FAAH2: variants seen among roughly 807,000 people sequenced by gnomAD.
FAAH2 encodes the protein fatty acid amide hydrolase 2.
FAAH2 carries 60 observed loss-of-function variants against 36.9 expected under a neutral mutation model. The observed-to-expected ratio is 1.63, with a 90% CI of 1.32 to 2.02. The LOEUF is 2.02. FAAH2 is among the 30% of genes most tolerant of loss of function. FAAH2 has a pLI of 0.00. For synonymous variants in FAAH2, 214 were observed against 143.8 expected (o/e 1.49, Z -3.49); for missense variants, 689 against 397.5 (o/e 1.73, Z -6.23).
At chrX:57,393,811 C>T (rs2055225881) in intron 7 of FAAH2, 6 of 863,596 alleles carry the variant, frequency 6.9e-6, no homozygotes, top group African/African-American at 4.0e-5. Flanking sequence ...CCTGTCCAAT[C>T]GTGATCTTCC....
At chrX:57,189,987 C>A in the FAAH2 span, among the ~76,000 whole-genome samples, 1 of 112,141 alleles carries the variant, frequency 8.9e-6, no homozygotes, top group Admixed American at 9.4e-5. Context: ...TTTAAGTCTG[C>A]TGAAGCCGCG....
At chrX:57,302,045 C>G (rs978747711) in intron 2 of FAAH2, among the ~76,000 whole-genome samples, 1 of 111,864 alleles carries the variant, frequency 8.9e-6, no homozygotes, top group African/African-American at 3.3e-5. Flanking sequence ...TAGTTTTAGA[C>G]TTTGCTCCCT....
rs767401541 is a variant in FAAH2 at position 57,331,578 on chromosome X, C to A, written c.413-20C>A. On this transcript the variant is annotated intron_variant, in intron 3 of 10. Transcript: ENST00000374900. The stretch of plus-strand genomic sequence containing the variant: ...TTTTATTTAATAATTTTTAAACATT[C>A]TTTTCTGTGACTCTTTTAGGAATGC... 10 of 1,180,910 alleles carry A rather than the reference C, an allele frequency of 8.5e-6. No individual in the cohort carries two copies. The Admixed American group carries it at 1.6e-4, about 19-fold the overall frequency.
Position 57,289,271 on chromosome X carries a change from T to C in FAAH2, c.192+2254T>C, listed in dbSNP as rs1023236620. Reference sequence around the variant, plus strand: ...TATGCTTCTTGATAACGAGCTCTGATTGAACAGTCAGTTTCCTGTGAGTCA... The same window carrying C: ...TATGCTTCTTGATAACGAGCTCTGACTGAACAGTCAGTTTCCTGTGAGTCA... On this transcript the variant is annotated intron_variant, in intron 1 of 10. Transcript: ENST00000374900. 1.1e-4 allele frequency among the ~76,000 whole-genome samples: 12 copies of C among 111,265 alleles called. No individual in the cohort carries two copies. The Admixed American group carries it at 1.2e-3, about 11-fold the overall frequency.
chrX:57,206,734 G>A, the FAAH2 span, among the ~76,000 whole-genome samples: 2 of 112,103 alleles, frequency 1.8e-5, no homozygotes, highest in African/African-American at 6.5e-5. Context: ...ACTATTAAAG[G>A]CCAATTTCTT....
At chrX:57,354,379 T>C (rs2054108481) in intron 5 of FAAH2, among the ~76,000 whole-genome samples, 1 of 110,544 alleles carries the variant, frequency 9.0e-6, no homozygotes, top group Non-Finnish European at 1.9e-5. Context: ...CTAAAAACGT[T>C]TTTTACATGG....
chrX:57,386,459 G>A (rs2055026250), intron 7 of FAAH2, among the ~76,000 whole-genome samples: 1 of 111,465 alleles, frequency 9.0e-6, no homozygotes, highest in African/African-American at 3.3e-5. Context: ...CTGGCGAGCT[G>A]GAGGATAAAT....
chrX:57,122,119 A>C, the FAAH2 span, among the ~76,000 whole-genome samples: 1 of 111,505 alleles, frequency 9.0e-6, no homozygotes, highest in African/African-American at 3.3e-5. Flanking sequence ...CATTTTAGGA[A>C]ATTAATATTA....
At chrX:57,184,214 C>T in the FAAH2 span, among the ~76,000 whole-genome samples, 1 of 111,724 alleles carries the variant, frequency 9.0e-6, no homozygotes, top group African/African-American at 3.3e-5. Context: ...CTGCTTTTGC[C>T]TTTTGTCCTG....
chrX:57,478,444 G>A (rs982734755), intron 10 of FAAH2, among the ~76,000 whole-genome samples: 1 of 111,472 alleles, frequency 9.0e-6, no homozygotes, highest in African/African-American at 3.3e-5. Flanking sequence ...TAGGTTGCCT[G>A]TTCACTCTGA....
intron 8 of FAAH2, among the ~76,000 whole-genome samples, chrX:57,433,199 T>A (rs914755794): frequency 9.0e-6 from 1 of 111,474 alleles, no homozygotes; most frequent in Non-Finnish European, 1.9e-5. Context: ...ATAATTTGGA[T>A]AAACTGTTAA....
chrX:57,477,783 T>C (rs1432672066), intron 10 of FAAH2, among the ~76,000 whole-genome samples: 1 of 111,060 alleles, frequency 9.0e-6, no homozygotes, highest in Non-Finnish European at 1.9e-5. Context: ...AATGATGGTT[T>C]CCAGCTTCAT....
At chrX:57,164,052 T>C in the FAAH2 span, among the ~76,000 whole-genome samples, 1 of 112,349 alleles carries the variant, frequency 8.9e-6, no homozygotes, top group African/African-American at 3.2e-5. Context: ...CAAGATGTGA[T>C]TGTCAATTTA....
At chrX:57,349,395 GTA>G (rs1284328810) in intron 5 of FAAH2, among the ~76,000 whole-genome samples, 8 of 89,576 alleles carry the variant, frequency 8.9e-5, no homozygotes, top group Non-Finnish European at 1.5e-4. Flanking sequence ...TAATATATAT[GTA>G]TATATGTGTG....
upstream of FAAH2, among the ~76,000 whole-genome samples, chrX:57,283,655 G>C (rs763970295): frequency 1.1e-5 from 1 of 92,354 alleles, no homozygotes; most frequent in South Asian, 4.9e-4. Context: ...GCCCTGCTTG[G>C]TGAAGAGTGT....
intron 10 of FAAH2, among the ~76,000 whole-genome samples, chrX:57,471,216 A>G (rs970862149): frequency 3.6e-5 from 4 of 111,871 alleles, no homozygotes; most frequent in African/African-American, 1.3e-4. Context: ...CACCATTCCT[A>G]TTCAACATAG....
the FAAH2 span, among the ~76,000 whole-genome samples, chrX:57,232,079 G>A: frequency 1.8e-5 from 2 of 111,602 alleles, no homozygotes; most frequent in Non-Finnish European, 3.8e-5. Flanking sequence ...TGACTGAAAG[G>A]CCCCAGTTTG....
In FAAH2 at chrX:57,446,976, A is replaced by G; in HGVS notation, c.1165A>G (p.Ser389Gly). 1 of 1,210,881 alleles carries G rather than the reference A, an allele frequency of 8.3e-7. No individual in the cohort carries two copies. The highest frequency in any genetic ancestry group is 1.1e-6 in the Non-Finnish European group (1 of 895,041). ...DLLGDHGKHV[S>G]PLWELIKWCL... ...GCTTGGTGACCATGGGAAACATGTC[A>G]GTCCTCTGTGGGAGTTGATCAAATG... The change falls in exon 9 of 11, where the codon AGT (serine) becomes GGT (glycine). Residue 389 changes from serine (S) to glycine (G), a missense_variant. Transcript: ENST00000374900.
At chrX:57,147,761 A>T in the FAAH2 span, among the ~76,000 whole-genome samples, 34 of 111,567 alleles carry the variant, frequency 3.0e-4, no homozygotes, top group Admixed American at 3.2e-3. Flanking sequence ...TTCTTTCACT[A>T]TTATCATTCA....
Sources: gnomAD v4.1 joint callset for allele counts (sites outside exome capture counted in the v4.1 genomes callset) on GRCh38, gnomAD v4.1.1 for gene constraint, MANE v1.5 for transcripts, NCBI Gene and HGNC (gene_info 2026-07-23, HGNC 2026-07-21) for gene names.